The following PPP3CA variants were observed in gnomAD, a reference collection of about 807,000 sequenced individuals.
The protein encoded by PPP3CA is protein phosphatase 3 catalytic subunit alpha.
In PPP3CA, 14 loss-of-function variants were observed where a neutral mutation model predicts 66.5. That is an observed-to-expected ratio of 0.21 (90% CI 0.14 to 0.33). The LOEUF is 0.33. Among genes scored for constraint, PPP3CA ranks in the 10% least tolerant of loss-of-function variants. The pLI is 1.00. For missense variants in PPP3CA, 317 were observed against 639.5 expected, an observed-to-expected ratio of 0.50 and a Z score of 5.44; for synonymous variants, 232 against 226.2, an observed-to-expected ratio of 1.03 and a Z score of -0.23.
chr4:101,102,173 A>G (rs1730472215), intron 3 of PPP3CA, among the ~76,000 whole-genome samples: 1 of 151,912 alleles, frequency 6.6e-6, no homozygotes, highest in South Asian at 2.1e-4. Context: ...AGTACCTAGT[A>G]TATGACAGGA....
At chr4:101,106,376 AG>A (rs754908208) in intron 3 of PPP3CA, among the ~76,000 whole-genome samples, 4 of 2,500 alleles carry the variant, frequency 1.6e-3, no homozygotes, top group East Asian at 7.5e-3. Context: ...AAGAGAGAAA[AG>A]AAAGAAAGAA....
intron 1 of PPP3CA, among the ~76,000 whole-genome samples, chr4:101,268,138 C>T (rs1727226055): frequency 6.6e-6 from 1 of 151,932 alleles, no homozygotes; most frequent in Admixed American, 6.6e-5. Flanking sequence ...TGCCACTGAA[C>T]TCCAGCCTGG....
chr4:101,159,494 A>G (rs1483778557), intron 2 of PPP3CA, among the ~76,000 whole-genome samples: 1 of 152,164 alleles, frequency 6.6e-6, no homozygotes, highest in African/African-American at 2.4e-5. Flanking sequence ...TTCCACCCAA[A>G]AGAAACAGGT....
intron 12 of PPP3CA, among the ~76,000 whole-genome samples, chr4:101,030,525 G>A (rs752869103): frequency 1.6e-4 from 24 of 152,116 alleles, no homozygotes; most frequent in Non-Finnish European, 1.6e-4. Flanking sequence ...CAACCCATAT[G>A]TCTTTTATGT....
intron 2 of PPP3CA, among the ~76,000 whole-genome samples, chr4:101,142,134 A>G (rs963094650): frequency 6.6e-6 from 1 of 152,180 alleles, no homozygotes; most frequent in Non-Finnish European, 1.5e-5. Flanking sequence ...ACAATTAAAG[A>G]CACCAACCAA....
At chr4:101,236,352 G>A (rs940480302) in intron 1 of PPP3CA, among the ~76,000 whole-genome samples, 1 of 151,908 alleles carries the variant, frequency 6.6e-6, no homozygotes, top group Non-Finnish European at 1.5e-5. Flanking sequence ...AAAGGCCTGA[G>A]GTGGGAAAGA....
chr4:101,123,971 TA>T (rs1292854679), intron 2 of PPP3CA, among the ~76,000 whole-genome samples: 1 of 152,214 alleles, frequency 6.6e-6, no homozygotes, highest in African/African-American at 2.4e-5. Flanking sequence ...TACAGGTTAA[TA>T]CTTCGGCAGA....
intron 8 of PPP3CA, among the ~76,000 whole-genome samples, chr4:101,072,421 T>C (rs1728956572): frequency 6.6e-6 from 1 of 152,118 alleles, no homozygotes. Flanking sequence ...CTGCAGTCAG[T>C]CAGCTGAGTT....
intron 2 of PPP3CA, among the ~76,000 whole-genome samples, chr4:101,163,889 T>C (rs1723601700): frequency 6.6e-6 from 1 of 152,020 alleles, no homozygotes; most frequent in South Asian, 2.1e-4. Context: ...GCTTAGCCAG[T>C]AGCTATTTAT....
intron 8 of PPP3CA, among the ~76,000 whole-genome samples, chr4:101,067,689 T>C (rs945007137): frequency 6.7e-6 from 1 of 148,648 alleles, no homozygotes; most frequent in Non-Finnish European, 1.5e-5. Flanking sequence ...CGGGGAGGGA[T>C]AGCATTAGGT....
chr4:101,292,935 C>A (rs1671840032), intron 1 of PPP3CA, among the ~76,000 whole-genome samples: 1 of 152,152 alleles, frequency 6.6e-6, no homozygotes, highest in African/African-American at 2.4e-5. Context: ...TTTTCTATTT[C>A]CAAACCTGTG....
chr4:101,244,670 C>T (rs911983464), intron 1 of PPP3CA, among the ~76,000 whole-genome samples: 8 of 152,150 alleles, frequency 5.3e-5, no homozygotes, highest in African/African-American at 1.9e-4. Flanking sequence ...CAGAATAGAT[C>T]TGTTATTTGA....
At chr4:101,030,991 C>T (rs150130529) in intron 12 of PPP3CA, among the ~76,000 whole-genome samples, 49 of 151,324 alleles carry the variant, frequency 3.2e-4, no homozygotes, top group Admixed American at 2.3e-3. Context: ...AAAATAATTC[C>T]TAGCTGTAAA....
intron 1 of PPP3CA, among the ~76,000 whole-genome samples, chr4:101,303,535 A>G (rs1301482408): frequency 6.6e-6 from 1 of 152,296 alleles, no homozygotes; most frequent in East Asian, 1.9e-4. Flanking sequence ...TAGCTGCATG[A>G]CATCCCATAG....
At chr4:101,146,511 C>T (rs753886866) in intron 2 of PPP3CA, among the ~76,000 whole-genome samples, 2 of 151,730 alleles carry the variant, frequency 1.3e-5, no homozygotes, top group African/African-American at 4.8e-5. Context: ...GGCACAATCT[C>T]GGCTCACTGC....
chr4:101,227,147 CAT>C (rs74392973), intron 1 of PPP3CA, among the ~76,000 whole-genome samples: 3,774 of 143,726 alleles, frequency 0.026, 66 homozygotes, highest in Non-Finnish European at 0.039. Flanking sequence ...CATACATACA[CAT>C]AAATGACATT....
At chr4:101,113,827 G>A (rs1053351828) in intron 2 of PPP3CA, among the ~76,000 whole-genome samples, 6 of 152,104 alleles carry the variant, frequency 3.9e-5, no homozygotes, top group African/African-American at 9.7e-5. Context: ...CAAGATACTG[G>A]TGTCCAAAGA....
intron 1 of PPP3CA, among the ~76,000 whole-genome samples, chr4:101,308,486 C>T (rs1215856521): frequency 6.6e-6 from 1 of 152,092 alleles, no homozygotes; most frequent in Non-Finnish European, 1.5e-5. Flanking sequence ...GTCTCTGTCA[C>T]CCAGGCTACA....
chr4:101,056,086 C>T (rs1235502509), intron 10 of PPP3CA, among the ~76,000 whole-genome samples: 2 of 152,028 alleles, frequency 1.3e-5, no homozygotes, highest in South Asian at 2.1e-4. Flanking sequence ...AGTTTAAGAG[C>T]CTGACAACCA....
Sources: gnomAD v4.1 joint callset for allele counts (sites outside exome capture counted in the v4.1 genomes callset) on GRCh38, gnomAD v4.1.1 for gene constraint, MANE v1.5 for transcripts, NCBI Gene and HGNC (gene_info 2026-07-23, HGNC 2026-07-21) for gene names.